Variants in CSPG5 observed in about 807,000 individuals in gnomAD.
CSPG5 encodes acidic leucine-rich EGF-like domain-containing brain protein.
A neutral mutation model predicts 39.8 loss-of-function variants in CSPG5; 25 were observed. The observed-to-expected ratio is 0.63, with a 90% CI of 0.46 to 0.88. The LOEUF is 0.88. CSPG5 is among the 40% of genes least tolerant of loss of function. The pLI is 0.00. For synonymous variants in CSPG5, 295 were observed against 303.9 expected (o/e 0.97, Z 0.31); for missense variants, 627 against 702.2 (o/e 0.89, Z 1.21).
rs1056140080 is a variant in CSPG5 at position 47,577,814 on chromosome 3, T to C, written c.212A>G (p.Asp71Gly). 6.3e-7 allele frequency: 1 copy of C among 1,576,946 alleles called. No individual in the cohort carries two copies. The highest frequency in any genetic ancestry group is 8.5e-7 in the Non-Finnish European group (1 of 1,170,880). Reference protein sequence around the residue: ...EEAGPPAAGEDEASWTAPGGE... With the variant: ...EEAGPPAAGEGEASWTAPGGE... The stretch of plus-strand genomic sequence containing the variant: ...ACCGGGCGCCGTCCACGACGCCTCA[T>C]CTTCCCCAGCCGCTGGTGGGCCGGC... The change falls in exon 2 of 5, where the codon GAT (aspartate) becomes GGT (glycine). Residue 71 changes from aspartate to glycine, a missense_variant. Coordinates refer to ENST00000264723, the MANE Select transcript of CSPG5 (RefSeq NM_006574.4). The surrounding 1 kb of genome is among the most constrained non-coding windows in gnomAD (Gnocchi z 4.7).
At chr3:47,571,470 C>T (rs1426017415) in intron 3 of CSPG5, among the ~76,000 whole-genome samples, 1 of 152,258 alleles carries the variant, frequency 6.6e-6, no homozygotes, top group East Asian at 1.9e-4. Flanking sequence ...CCCCTGCTCA[C>T]CCACCCCCTT....
At chr3:47,571,879 T>C (rs2031542326) in intron 3 of CSPG5, among the ~76,000 whole-genome samples, 1 of 152,212 alleles carries the variant, frequency 6.6e-6, no homozygotes, top group South Asian at 2.1e-4. Flanking sequence ...AAAGGTTTTC[T>C]AACTTTGCTT....
Position 47,577,750 on chromosome 3 carries a change from C to T in CSPG5, c.276G>A (p.Ser92=). ...LAGPEEVLQE[S]AAVTGTAWLE... ...GCCAGGCGGTGCCGGTCACCGCAGC[C>T]GACTCCTGCAGCACCTCTTCTGGCC... The change falls in exon 2 of 5, where the codon TCG becomes TCA. Residue 92 remains serine, a synonymous_variant. Coordinates refer to ENST00000264723, the MANE Select transcript of CSPG5 (RefSeq NM_006574.4). This position sits in a 1 kb window ranked among gnomAD's most constrained non-coding sequence, Gnocchi z 4.7. 1.3e-6 allele frequency: 2 copies of T among 1,585,872 alleles called. No individual in the cohort carries two copies. The highest frequency in any genetic ancestry group is 1.7e-6 in the Non-Finnish European group (2 of 1,171,978).
Position 47,577,956 on chromosome 3 carries a change from C to G in CSPG5, c.98-28G>C. On this transcript the variant is annotated intron_variant, in intron 1 of 4. Transcript: ENST00000264723. This position sits in a 1 kb window ranked among gnomAD's most constrained non-coding sequence, Gnocchi z 4.7. ...GCGGGCGGGAGGGCAAGGGGCGGGA[C>G]GTCAGGGCGGCGCGCTGAGGAGCCC... is the stretch of plus-strand genomic sequence containing the variant. The G allele has an allele frequency of 7.2e-7, 1 of 1,388,152 alleles. No homozygotes were observed. The highest frequency in any genetic ancestry group is 9.2e-7 in the Non-Finnish European group (1 of 1,081,666). The allele number at this position is 1,388,152 out of a possible 1,614,324, so 86.0% of individuals were successfully genotyped here.
chr3:47,576,096 G>A (rs928261063), intron 2 of CSPG5, among the ~76,000 whole-genome samples: 2 of 151,754 alleles, frequency 1.3e-5, no homozygotes, highest in East Asian at 1.9e-4. Flanking sequence ...CACCACACCC[G>A]GCTAAATTTT....
At position 47,577,385 on chromosome 3, in the gene CSPG5, T is replaced by C. The variant is rs775111467; in HGVS notation, c.641A>G (p.Glu214Gly). 1.2e-6 allele frequency: 2 copies of C among 1,614,194 alleles called. No individual in the cohort carries two copies. Among genetic ancestry groups the C allele is most frequent in the Admixed American group, 1.7e-5 (1 of 60,024 alleles). ...ASDIIDIDYF[E>G]GLDGEGRGAD... Reference sequence around the variant, plus strand: ...GCCACGACCCTCACCATCCAGTCCTTCGAAGTAGTCGATGTCAATGATATC... The same window carrying C: ...GCCACGACCCTCACCATCCAGTCCTCCGAAGTAGTCGATGTCAATGATATC... The change falls in exon 2 of 5, where the codon GAA becomes GGA. Residue 214 changes from glutamate (E) to glycine (G), a missense_variant. Glu to Gly is a moderately conservative substitution (Grantham distance 98). Coordinates refer to ENST00000264723, the MANE Select transcript of CSPG5 (RefSeq NM_006574.4). This position sits in a 1 kb window ranked among gnomAD's most constrained non-coding sequence, Gnocchi z 4.7.
At chr3:47,575,180 C>T (rs1418946595) in intron 2 of CSPG5, among the ~76,000 whole-genome samples, 1 of 152,204 alleles carries the variant, frequency 6.6e-6, no homozygotes, top group Admixed American at 6.5e-5. Flanking sequence ...AATCCCAGCA[C>T]TTTGAGAGGC....
rs375034453 is a variant in CSPG5 at position 47,562,397 on chromosome 3, T to A, written c.*203A>T. On this transcript the variant is annotated 3_prime_UTR_variant, in exon 5 of 5. Transcript: ENST00000264723. ...AGACAGCACAGAAAAAACAACCCAA[T>A]GTATGCAATTCTGTTCAGTTTCTTT... The A allele has an allele frequency of 2.3e-4, 101 of 448,420 alleles. No individual in the cohort carries two copies. Among genetic ancestry groups the A allele is most frequent in the African/African-American group, 2.0e-3 (97 of 49,728 alleles). The allele number at this position is 448,420 out of a possible 1,614,324, so 27.8% of individuals were successfully genotyped here. A position where few individuals can be genotyped will look rare whatever the true frequency, so the allele number is the denominator to read the frequency against.
chr3:47,563,247 A>G (rs2031158491), intron 4 of CSPG5, among the ~76,000 whole-genome samples: 1 of 152,164 alleles, frequency 6.6e-6, no homozygotes, highest in Non-Finnish European at 1.5e-5. Context: ...GCTCCTGACT[A>G]TGCTGGGGCC....
At position 47,577,381 on chromosome 3, in the gene CSPG5, T is replaced by G. The variant is rs1272131265; in HGVS notation, c.645A>C (p.Gly215=). Residue 215 remains glycine (G), a synonymous_variant, in exon 2 of 5, where the codon GGA becomes GGC. Transcript: ENST00000264723. This position sits in a 1 kb window ranked among gnomAD's most constrained non-coding sequence, Gnocchi z 4.7. ...SDIIDIDYFE[G]LDGEGRGADL... is the part of the protein sequence containing the mutation. ...CTGCGCCACGACCCTCACCATCCAG[T>G]CCTTCGAAGTAGTCGATGTCAATGA... is the stretch of plus-strand genomic sequence containing the variant. 2 of 1,614,044 alleles carry G rather than the reference T, an allele frequency of 1.2e-6. No individual in the cohort carries two copies. Among genetic ancestry groups the G allele is most frequent in the Non-Finnish European group, 1.7e-6 (2 of 1,180,010 alleles).
chr3:47,568,591 C>T (rs2031399295), intron 4 of CSPG5, among the ~76,000 whole-genome samples: 1 of 152,192 alleles, frequency 6.6e-6, no homozygotes, highest in Non-Finnish European at 1.5e-5. Context: ...AGAGCAACCA[C>T]CGTTTGCTTC....
Position 47,571,160 on chromosome 3 carries a change from G to T in CSPG5, c.1382+1526C>A, listed in dbSNP as rs1265360792. On this transcript the variant is annotated intron_variant, in intron 3 of 4. Coordinates refer to ENST00000264723, the MANE Select transcript of CSPG5 (RefSeq NM_006574.4). ...TCCAATTTCAGAGATGTTAATATGT[G>T]GGGAAAAAAGGTATATTTTAGAATA... is the stretch of plus-strand genomic sequence containing the variant. Among the ~76,000 whole-genome samples, 16 of 152,072 alleles carry T rather than the reference G, an allele frequency of 1.1e-4. No homozygotes were observed. In the South Asian group the frequency reaches 2.3e-3, roughly 22 times the overall value.
chr3:47,568,164 G>C (rs2031384678), intron 4 of CSPG5, among the ~76,000 whole-genome samples: 2 of 152,190 alleles, frequency 1.3e-5, no homozygotes, highest in Non-Finnish European at 2.9e-5. Flanking sequence ...CATTGCTTCA[G>C]TCTGAAGTCT....
intron 4 of CSPG5, among the ~76,000 whole-genome samples, chr3:47,568,377 AG>A (rs2108193926): frequency 6.6e-6 from 1 of 152,362 alleles, no homozygotes; most frequent in East Asian, 1.9e-4. Flanking sequence ...CAGGGTCTTT[AG>A]AAAATGGTCT....
chr3:47,576,537 C>A (rs1301859021), intron 2 of CSPG5, among the ~76,000 whole-genome samples: 1 of 151,098 alleles, frequency 6.6e-6, no homozygotes, highest in Admixed American at 6.6e-5. Flanking sequence ...TGGCTCACTG[C>A]AACCTCCACC....
intron 4 of CSPG5, 30 bp from the exon 5 acceptor site, chr3:47,562,791 A>C: frequency 6.5e-7 from 1 of 1,541,552 alleles, no homozygotes. Context: ...GGGGGGGGGG[A>C]GACAATGCAT....
intron 3 of CSPG5, among the ~76,000 whole-genome samples, chr3:47,569,771 A>G: frequency 7.0e-6 from 1 of 143,874 alleles, no homozygotes; most frequent in East Asian, 2.0e-4. Context: ...TTTTTGAGAC[A>G]GGGTCTCACT....
chr3:47,577,416 C>A lies in CSPG5; in HGVS notation c.610G>T (p.Ala204Ser). The change falls in exon 2 of 5, where the codon GCA (alanine) becomes TCA (serine). Residue 204 changes from alanine (A) to serine (S), a missense_variant. By Grantham distance (99) the Ala-to-Ser change is moderately conservative. Coordinates refer to ENST00000264723, the MANE Select transcript of CSPG5 (RefSeq NM_006574.4). The surrounding 1 kb of genome is among the most constrained non-coding windows in gnomAD (Gnocchi z 4.7). ...PFQGTLEPQP[A>S]SDIIDIDYFE... ...TAGTCGATGTCAATGATATCTGATG[C>A]CGGTTGGGGCTCCAGGGTGCCCTGA... The A allele has an allele frequency of 6.2e-7, 1 of 1,614,164 alleles. No individual in the cohort carries two copies. The highest frequency in any genetic ancestry group is 1.1e-5 in the South Asian group (1 of 91,080).
At chr3:47,571,856 T>C (rs1181208548) in intron 3 of CSPG5, among the ~76,000 whole-genome samples, 1 of 152,234 alleles carries the variant, frequency 6.6e-6, no homozygotes, top group Non-Finnish European at 1.5e-5. Flanking sequence ...TTGTGACTCC[T>C]GTGACACTTC....
Sources: allele counts gnomAD v4.1 joint callset (sites outside exome capture counted in the v4.1 genomes callset), GRCh38; gene constraint gnomAD v4.1.1; non-coding constraint Gnocchi (gnomAD v3.1); transcripts MANE v1.5; gene names NCBI Gene and HGNC (gene_info 2026-07-23, HGNC 2026-07-21).